Variants in RGS3 observed in about 807,000 individuals in gnomAD.
RGS3 encodes regulator of G protein signaling 3.
RGS3 carries 80 observed loss-of-function variants against 132.6 expected under a neutral mutation model. That is an observed-to-expected ratio of 0.60 (90% CI 0.50 to 0.73). RGS3 has a LOEUF of 0.73. Among genes scored for constraint, RGS3 ranks in the 30% least tolerant of loss-of-function variants. RGS3 has a pLI of 0.00. For missense variants in RGS3, 1,382 were observed against 1,530.8 expected (o/e 0.90, Z 1.62); for synonymous variants, 598 against 620.6 (o/e 0.96, Z 0.54).
At chr9:113,534,432 G>C (rs950525495) in intron 18 of RGS3, among the ~76,000 whole-genome samples, 4 of 152,084 alleles carry the variant, frequency 2.6e-5, no homozygotes. Flanking sequence ...TCAAGTCCTT[G>C]ACACAAAATG....
chr9:113,528,903 C>A (rs1832338724), intron 17 of RGS3, among the ~76,000 whole-genome samples: 1 of 152,194 alleles, frequency 6.6e-6, no homozygotes, highest in East Asian at 1.9e-4. Flanking sequence ...AGGGAGGAGG[C>A]CTCCTGGGAT....
chr9:113,507,451 G>T lies in RGS3; in HGVS notation c.1250G>T (p.Arg417Leu). ...AACTGCACCCATGGGGTCCAGGCACGGCCTGAGCAGCGCCACAGCTGCCAC... is the reference window on the plus strand; with the variant it reads ...AACTGCACCCATGGGGTCCAGGCACTGCCTGAGCAGCGCCACAGCTGCCAC... The change falls in exon 13 of 25, where the codon CGG becomes CTG. Residue 417 changes from arginine to leucine, a missense_variant. Arg to Leu is a moderately radical substitution (Grantham distance 102, BLOSUM62 -2). Transcript: ENST00000350696. This position sits in a 1 kb window ranked among gnomAD's most constrained non-coding sequence, Gnocchi z 5.0. The T allele has an allele frequency of 6.2e-7, 1 of 1,613,790 alleles. No individual in the cohort carries two copies. Among genetic ancestry groups the T allele is most frequent in the South Asian group, 1.1e-5 (1 of 91,062 alleles).
At chr9:113,497,470 G>T (rs140735171) in intron 9 of RGS3, 66 bp downstream of exon 7, 1 of 1,346,006 alleles carries the variant, frequency 7.4e-7, no homozygotes. Flanking sequence ...CCTGCATAGC[G>T]GCATCAGTAC....
chr9:113,529,094 T>A, intron 17 of RGS3, 127 bp from the exon 16 acceptor site: 1 of 754,982 alleles, frequency 1.3e-6, no homozygotes, highest in South Asian at 1.5e-5. Flanking sequence ...CTCCCATGCC[T>A]GCCTCTCTCT....
At chr9:113,512,197 G>A (rs1044212037) in intron 14 of RGS3, among the ~76,000 whole-genome samples, 1 of 152,156 alleles carries the variant, frequency 6.6e-6, no homozygotes, top group Non-Finnish European at 1.5e-5. Flanking sequence ...GATCAAGCTC[G>A]GGTGTCTTAT....
At chr9:113,475,076 G>A (rs1829949604) in intron 3 of RGS3, among the ~76,000 whole-genome samples, 1 of 152,126 alleles carries the variant, frequency 6.6e-6, no homozygotes, top group South Asian at 2.1e-4. Flanking sequence ...GCAGAATTTG[G>A]GTTTGTTGCC....
intron 3 of RGS3, among the ~76,000 whole-genome samples, chr9:113,477,398 G>T (rs971457132): frequency 1.3e-5 from 2 of 152,212 alleles, no homozygotes; most frequent in African/African-American, 4.8e-5. Flanking sequence ...AGCCTGAATT[G>T]CTTGGGACTG....
intron 10 of RGS3, among the ~76,000 whole-genome samples, chr9:113,502,843 T>C (rs1033279211): frequency 6.6e-6 from 1 of 152,236 alleles, no homozygotes; most frequent in Non-Finnish European, 1.5e-5. Context: ...TCTGTTCCTC[T>C]TTAGCTGTGG....
intron 10 of RGS3, among the ~76,000 whole-genome samples, chr9:113,500,291 G>A (rs1302458318): frequency 6.6e-6 from 1 of 152,210 alleles, no homozygotes; most frequent in Admixed American, 6.5e-5. Context: ...TGGGGAGATG[G>A]AGGCCCAGAA....
chr9:113,464,774 G>A (rs1829573654), intron 3 of RGS3, among the ~76,000 whole-genome samples: 1 of 152,134 alleles, frequency 6.6e-6, no homozygotes, highest in African/African-American at 2.4e-5. Flanking sequence ...TAAAGGTTGG[G>A]GCTGTTACTG....
chr9:113,465,421 T>C (rs1829598465), intron 3 of RGS3, among the ~76,000 whole-genome samples: 1 of 150,468 alleles, frequency 6.6e-6, no homozygotes, highest in African/African-American at 2.4e-5. Context: ...CCTCCCAGGC[T>C]TATTTCCACA....
intron 3 of RGS3, among the ~76,000 whole-genome samples, chr9:113,468,759 A>T (rs1043391231): frequency 1.3e-5 from 2 of 152,184 alleles, no homozygotes; most frequent in Non-Finnish European, 2.9e-5. Context: ...AGTGGTCAGG[A>T]GAGAGAACAG....
rs533937657 is a variant in RGS3, at chr9:113,501,561, G to A, written c.897+3481G>A. 11 of 1,545,288 alleles carry A rather than the reference G, an allele frequency of 7.1e-6. No individual in the cohort carries two copies. In the South Asian group the frequency reaches 1.2e-4, roughly 17 times the overall value. On this transcript the variant is annotated intron_variant, in intron 10 of 24. Coordinates refer to ENST00000350696, the Ensembl canonical transcript of RGS3. ...TGGGTTTTCATGGGGCGGCAGCCGAGGCAGGACCCGCAGCCATGAACCGCT... is the reference window on the plus strand; with the variant it reads ...TGGGTTTTCATGGGGCGGCAGCCGAAGCAGGACCCGCAGCCATGAACCGCT...
In RGS3 at chr9:113,509,425, G is replaced by A. The variant is rs531540776; in HGVS notation, c.1477+845G>A. 6.6e-5 allele frequency among the ~76,000 whole-genome samples: 10 copies of A among 152,306 alleles called. No homozygotes were observed. The South Asian group carries it at 1.7e-3, about 25-fold the overall frequency. On this transcript the variant is annotated intron_variant, in intron 14 of 24. Transcript: ENST00000350696. ...GAGTAGTTGCCTGTATACTGAGAGAGGCTATACAGAGGGTAGCTGTCTTTG... is the reference window on the plus strand; with the variant it reads ...GAGTAGTTGCCTGTATACTGAGAGAAGCTATACAGAGGGTAGCTGTCTTTG...
At chr9:113,541,904 C>T (rs1832920230) in intron 19 of RGS3, 1 of 973,368 alleles carries the variant, frequency 1.0e-6, no homozygotes. Flanking sequence ...TACTTTATGC[C>T]AGGCTCTATG....
At position 113,584,353 on chromosome 9, in the gene RGS3, A is replaced by T. The variant is rs529868549; in HGVS notation, c.2941A>T (p.Thr981Ser). Residue 981 changes from threonine (T) to serine (S), a missense_variant, in exon 20 of 25, where the codon ACC becomes TCC. Coordinates refer to ENST00000350696, the Ensembl canonical transcript of RGS3. ...CACCTGGGGCATGCCTTCGCCCAGC[A>T]CCCTCAAGAAAGAGCTGGGCCGCAA... is the stretch of plus-strand genomic sequence containing the variant. 1.2e-5 allele frequency: 19 copies of T among 1,577,316 alleles called. No homozygotes were observed. The South Asian group carries it at 1.8e-4, about 15-fold the overall frequency.
Position 113,505,526 on chromosome 9 carries a change from A to T in RGS3, c.979+3A>T. ...TCGAGTCCAGGCCGTGGATTCCGGT[A>T]AGTTATTGACAGGGGGATGCCAACC... On this transcript the variant is annotated splice_donor_region_variant and intron_variant, in intron 11 of 24. Transcript: ENST00000350696. 6.2e-7 allele frequency: 1 copy of T among 1,613,682 alleles called. No individual in the cohort carries two copies. Among genetic ancestry groups the T allele is most frequent in the Non-Finnish European group, 8.5e-7 (1 of 1,179,576 alleles).
intron 15 of RGS3, among the ~76,000 whole-genome samples, chr9:113,516,524 G>T (rs986571663): frequency 1.3e-5 from 2 of 151,862 alleles, no homozygotes; most frequent in African/African-American, 2.4e-5. Context: ...TGCCTGGCTA[G>T]TTTTTTGTAT....
At chr9:113,556,225 A>C (rs959972116) in intron 19 of RGS3, among the ~76,000 whole-genome samples, 6 of 152,182 alleles carry the variant, frequency 3.9e-5, no homozygotes, top group African/African-American at 7.2e-5. Flanking sequence ...AAATTTCCCC[A>C]GATGATTTCT....
Sources: allele counts gnomAD v4.1 joint callset (sites outside exome capture counted in the v4.1 genomes callset), GRCh38; gene constraint gnomAD v4.1.1; non-coding constraint Gnocchi (gnomAD v3.1); transcripts MANE v1.5; gene names NCBI Gene and HGNC (gene_info 2026-07-23, HGNC 2026-07-21).